OLA1: variants seen among roughly 807,000 people sequenced by gnomAD.
OLA1 encodes obg-like ATPase 1.
OLA1 carries 14 observed loss-of-function variants against 48.4 expected under a neutral mutation model. The ratio of observed to expected loss-of-function variants is 0.29; its 90% CI spans 0.19 to 0.45. The LOEUF is 0.45. Among genes scored for constraint, OLA1 ranks in the 20% least tolerant of loss-of-function variants. OLA1 has a pLI of 1.00. For missense variants in OLA1, 325 were observed against 467.1 expected (o/e 0.70, Z 2.80); for synonymous variants, 127 against 150.4 (o/e 0.84, Z 1.14).
intron 3 of OLA1, among the ~76,000 whole-genome samples, chr2:174,227,300 C>A (rs543949908): frequency 6.6e-6 from 1 of 152,004 alleles, no homozygotes; most frequent in South Asian, 2.1e-4. Context: ...ACACATGATC[C>A]TGGTTTAGAT....
At chr2:174,114,910 G>A (rs1176998405) in intron 7 of OLA1, among the ~76,000 whole-genome samples, 3 of 151,986 alleles carry the variant, frequency 2.0e-5, no homozygotes, top group Admixed American at 6.5e-5. Flanking sequence ...CACGTGGATC[G>A]CTTGAGCCAA....
At chr2:174,171,195 GC>G (rs1442059483) in intron 4 of OLA1, among the ~76,000 whole-genome samples, 5 of 152,038 alleles carry the variant, frequency 3.3e-5, no homozygotes, top group Non-Finnish European at 5.9e-5. Context: ...AGATCTTAAC[GC>G]CCTTCTCTTA....
chr2:174,170,970 T>C lies in OLA1; in HGVS notation c.374-28970A>G, dbSNP rs189208952. On this transcript the variant is annotated intron_variant, in intron 4 of 10. Transcript: ENST00000284719. The stretch of plus-strand genomic sequence containing the variant: ...GAAAACAGTAAGTATAAGACGGCTA[T>C]AGTAGCTGTATTAATATCAGATTAA... Among the ~76,000 whole-genome samples the C allele has an allele frequency of 1.9e-3, 284 of 152,350 alleles. 1 individual carries two copies. Among genetic ancestry groups the C allele is most frequent in the African/African-American group, 6.5e-3 (272 of 41,586 alleles).
intron 9 of OLA1, among the ~76,000 whole-genome samples, chr2:174,079,703 A>G (rs1229068652): frequency 6.6e-6 from 1 of 151,944 alleles, no homozygotes; most frequent in Non-Finnish European, 1.5e-5. Context: ...CCCATATGTT[A>G]TATTACAAGG....
At chr2:174,154,455 T>C (rs1206297092) in intron 4 of OLA1, among the ~76,000 whole-genome samples, 2 of 152,160 alleles carry the variant, frequency 1.3e-5, no homozygotes, top group African/African-American at 4.8e-5. Flanking sequence ...ACTGTATTTT[T>C]TTCCCACTGA....
chr2:174,234,638 A>AT (rs956736058), intron 2 of OLA1, among the ~76,000 whole-genome samples: 10 of 151,978 alleles, frequency 6.6e-5, no homozygotes, highest in African/African-American at 2.4e-4. Flanking sequence ...TAATATCTGT[A>AT]TTTTTTGTAG....
chr2:174,229,334 A>C lies in OLA1; in HGVS notation c.219T>G (p.Phe73Leu). The C allele has an allele frequency of 6.2e-7, 1 of 1,612,442 alleles. No homozygotes were observed. The highest frequency in any genetic ancestry group is 1.1e-5 in the South Asian group (1 of 90,968). Reference sequence around the variant, plus strand: ...TTGCTGGTTTGTGGTATTGACAAAGAAAGTCAAACCTTTCATCTGGCACAG... The same window carrying C: ...TTGCTGGTTTGTGGTATTGACAAAGCAAGTCAAACCTTTCATCTGGCACAG... ...RVPVPDERFD[F>L]LCQYHKPASK... is the part of the protein sequence containing the mutation. The change falls in exon 3 of 11, where the codon TTT becomes TTG. Residue 73 changes from phenylalanine (F) to leucine (L), a missense_variant. By Grantham distance (22) the Phe-to-Leu change is conservative (BLOSUM62 0). Transcript: ENST00000284719.
chr2:174,190,530 T>C (rs936571565), intron 4 of OLA1, among the ~76,000 whole-genome samples: 2 of 151,686 alleles, frequency 1.3e-5, no homozygotes, highest in Non-Finnish European at 2.9e-5. Flanking sequence ...ATGAAATATA[T>C]TCTATATTTA....
chr2:174,205,449 C>T (rs11676867), intron 4 of OLA1, among the ~76,000 whole-genome samples: 20,061 of 152,162 alleles, frequency 0.13, 1,785 homozygotes, highest in Non-Finnish European at 0.2. Flanking sequence ...GTTTTTGATT[C>T]TACTCATCTG....
chr2:174,164,519 C>T, intron 4 of OLA1, among the ~76,000 whole-genome samples: 1 of 152,052 alleles, frequency 6.6e-6, no homozygotes, highest in East Asian at 1.9e-4. Context: ...TGCTCTAACT[C>T]TCATAATAGT....
chr2:174,080,178 A>G (rs1035303480), intron 9 of OLA1, among the ~76,000 whole-genome samples: 1 of 152,010 alleles, frequency 6.6e-6, no homozygotes, highest in Non-Finnish European at 1.5e-5. Flanking sequence ...AAGAAAAGTA[A>G]ATCTCACATT....
chr2:174,229,729 T>A (rs1021123200), intron 2 of OLA1, among the ~76,000 whole-genome samples: 1 of 152,156 alleles, frequency 6.6e-6, no homozygotes, highest in Non-Finnish European at 1.5e-5. Flanking sequence ...TAAGTTAGAG[T>A]TTCATGTCAT....
In OLA1 at chr2:174,172,263, T is replaced by C. The variant is rs374930721; in HGVS notation, c.374-30263A>G. 9 of 201,138 alleles carry C rather than the reference T, an allele frequency of 4.5e-5. No individual in the cohort carries two copies. In the South Asian group the frequency reaches 7.3e-4, roughly 16 times the overall value. The allele number at this position is 201,138 out of a possible 1,614,324, so 12.5% of individuals were successfully genotyped here. Reference sequence around the variant, plus strand: ...TCAAGGCAGTAAATATGCAGCCAACTGTACCTTTATAAGCTCCTATCTACC... The same window carrying C: ...TCAAGGCAGTAAATATGCAGCCAACCGTACCTTTATAAGCTCCTATCTACC... On this transcript the variant is annotated intron_variant, in intron 4 of 10. Coordinates refer to ENST00000284719, the MANE Select transcript of OLA1 (RefSeq NM_013341.5).
intron 4 of OLA1, among the ~76,000 whole-genome samples, chr2:174,190,262 G>T (rs1687746079): frequency 6.6e-6 from 1 of 152,096 alleles, no homozygotes; most frequent in East Asian, 1.9e-4. Context: ...TTTTACTTTT[G>T]TGCCACATAC....
chr2:174,104,115 T>C (rs559895697), intron 7 of OLA1, among the ~76,000 whole-genome samples: 1 of 151,426 alleles, frequency 6.6e-6, no homozygotes, highest in East Asian at 2.0e-4. Context: ...AGTGTAATTA[T>C]ATAATGGGTC....
At chr2:174,093,623 T>A (rs1685177567) in intron 7 of OLA1, among the ~76,000 whole-genome samples, 1 of 152,254 alleles carries the variant, frequency 6.6e-6, no homozygotes, top group South Asian at 2.1e-4. Context: ...CACTATTTTT[T>A]AATCTGTATC....
At chr2:174,120,297 A>G (rs764191907) in intron 7 of OLA1, among the ~76,000 whole-genome samples, 15 of 152,134 alleles carry the variant, frequency 9.9e-5, no homozygotes, top group Non-Finnish European at 2.2e-4. Context: ...GCAATCTCAA[A>G]TGAAAATTAA....
chr2:174,158,421 G>A (rs1182848975), intron 4 of OLA1, among the ~76,000 whole-genome samples: 1 of 151,464 alleles, frequency 6.6e-6, no homozygotes, highest in Non-Finnish European at 1.5e-5. Flanking sequence ...GTACAACCGG[G>A]CTGTTTTAAG....
intron 4 of OLA1, among the ~76,000 whole-genome samples, chr2:174,216,127 T>C (rs1454254666): frequency 2.0e-5 from 3 of 147,736 alleles, no homozygotes; most frequent in Non-Finnish European, 4.4e-5. Context: ...AGACCCTGTA[T>C]CTACAAAAAA....
Sources: allele counts gnomAD v4.1 joint callset (sites outside exome capture counted in the v4.1 genomes callset), GRCh38; gene constraint gnomAD v4.1.1; transcripts MANE v1.5; gene names NCBI Gene and HGNC (gene_info 2026-07-23, HGNC 2026-07-21).